The following CA12 variants were observed in gnomAD, a reference collection of about 807,000 sequenced individuals.
CA12 encodes carbonate dehydratase XII.
CA12 carries 36 observed loss-of-function variants against 46.8 expected under a neutral mutation model. The observed-to-expected ratio is 0.77, with a 90% CI of 0.59 to 1.02. CA12 has a LOEUF of 1.02. CA12 is among the 50% of genes least tolerant of loss of function. The pLI is 0.00. For missense variants in CA12, 436 were observed against 451.4 expected (o/e 0.97, Z 0.31); for synonymous variants, 202 against 187.0 (o/e 1.08, Z -0.65).
intron 4 of CA12, among the ~76,000 whole-genome samples, chr15:63,343,214 G>A (rs370709786): frequency 6.6e-6 from 1 of 150,488 alleles, no homozygotes; most frequent in East Asian, 1.9e-4. Context: ...ATTGTGCTCA[G>A]AGGAAGTGAA....
intron 8 of CA12, among the ~76,000 whole-genome samples, chr15:63,334,216 C>A (rs12914187): frequency 7.0e-6 from 1 of 142,154 alleles, no homozygotes; most frequent in Non-Finnish European, 1.5e-5. Flanking sequence ...CAGCTCAAAT[C>A]TTCCAACTGC....
Position 63,355,409 on chromosome 15 carries a change from TATC to T in CA12, c.107-8703_107-8701del, listed in dbSNP as rs917287627. Among the ~76,000 whole-genome samples, 3 of 152,192 alleles carry T rather than the reference TATC, an allele frequency of 2.0e-5. No homozygotes were observed. The highest frequency in any genetic ancestry group is 7.2e-5 in the African/African-American group (3 of 41,438). On this transcript the variant is annotated intron_variant, in intron 2 of 10. Coordinates refer to ENST00000178638, the MANE Select transcript of CA12 (RefSeq NM_001218.5). This position sits in a 1 kb window ranked among gnomAD's most constrained non-coding sequence, Gnocchi z 4.1. Reference sequence around the variant, plus strand: ...TCAAAGCGTGGCTCCAGACAAGCATTATCATCACCGCCTAGGAACTCATTCAAA... The same window carrying T: ...TCAAAGCGTGGCTCCAGACAAGCATTATCACCGCCTAGGAACTCATTCAAA...
chr15:63,340,700 T>G lies in CA12; in HGVS notation c.589+20A>C, dbSNP rs370563418. ...CTCCTTCTCCAGCAGAGAGTGAATA[T>G]GCATGCAAGGACCCCTCACCTTTGT... is the stretch of plus-strand genomic sequence containing the variant. On this transcript the variant is annotated intron_variant, in intron 6 of 10. Coordinates refer to ENST00000178638, the MANE Select transcript of CA12 (RefSeq NM_001218.5). The surrounding 1 kb of genome is among the most constrained non-coding windows in gnomAD (Gnocchi z 4.4). 6.2e-7 allele frequency: 1 copy of G among 1,611,302 alleles called. No homozygotes were observed. The highest frequency in any genetic ancestry group is 8.5e-7 in the Non-Finnish European group (1 of 1,177,364).
chr15:63,381,527 C>G (rs1245096308), intron 1 of CA12, 109 bp downstream of exon 1: 3 of 930,726 alleles, frequency 3.2e-6, no homozygotes, highest in Non-Finnish European at 1.7e-6. Flanking sequence ...TGGTACTACA[C>G]CTTCCCTGCT....
At position 63,381,644 on chromosome 15, in the gene CA12, G is replaced by C. The variant is rs140995656; in HGVS notation, c.77C>G (p.Pro26Arg). 226 of 1,611,140 alleles carry C rather than the reference G, an allele frequency of 1.4e-4. No homozygotes were observed. In the African/African-American group the frequency reaches 2.7e-3, roughly 19 times the overall value. ...GCAGGCGGAAACTTTACCGTTCACT[G>C]GGGCCGGGCTGGAAGGCTGTTCCTT... ...ILKEQPSSPAPVNGSKWTYFG... is the reference protein window; with the variant it reads ...ILKEQPSSPARVNGSKWTYFG... The change falls in exon 1 of 11, where the codon CCA (proline) becomes CGA (arginine). Residue 26 changes from proline to arginine, a missense_variant. Transcript: ENST00000178638.
chr15:63,326,063 T>C lies in CA12; in HGVS notation c.*222A>G, dbSNP rs1251819682. The C allele has an allele frequency of 3.5e-6, 2 of 568,672 alleles. No individual in the cohort carries two copies. The highest frequency in any genetic ancestry group is 6.4e-6 in the Non-Finnish European group (2 of 314,676). The allele number at this position is 568,672 out of a possible 1,614,324, so 35.2% of individuals were successfully genotyped here. A position where few individuals can be genotyped will look rare whatever the true frequency, so the allele number is the denominator to read the frequency against. On this transcript the variant is annotated 3_prime_UTR_variant, in exon 11 of 11. Coordinates refer to ENST00000178638, the MANE Select transcript of CA12 (RefSeq NM_001218.5). ...GTTACAGCAAGCAGCTTTGAATTCC[T>C]GCTGCTTGGTCTGAGAGTGCATCCC...
intron 2 of CA12, among the ~76,000 whole-genome samples, chr15:63,361,497 G>A (rs2039363356): frequency 6.6e-6 from 1 of 152,130 alleles, no homozygotes; most frequent in Non-Finnish European, 1.5e-5. Context: ...GTGGGCAGAG[G>A]CCAGGGAATC....
chr15:63,345,375 GC>G lies in CA12; in HGVS notation c.429+101del. Reference sequence around the variant, plus strand: ...AGGTGGGGCAGAGAGCCTGAAGGCAGCCTGTCCCATGCTCTGGTGTTATCTG... The same window carrying G: ...AGGTGGGGCAGAGAGCCTGAAGGCAGCTGTCCCATGCTCTGGTGTTATCTG... On this transcript the variant is annotated intron_variant, in intron 4 of 10. Transcript: ENST00000178638. This position sits in a 1 kb window ranked among gnomAD's most constrained non-coding sequence, Gnocchi z 4.3. 1.4e-6 allele frequency: 2 copies of G among 1,472,460 alleles called. No individual in the cohort carries two copies. Among genetic ancestry groups the G allele is most frequent in the Non-Finnish European group, 1.9e-6 (2 of 1,078,000 alleles). The allele number at this position is 1,472,460 out of a possible 1,614,324, so 91.2% of individuals were successfully genotyped here.
At chr15:63,332,977 T>G (rs11632401) in intron 8 of CA12, among the ~76,000 whole-genome samples, 59,423 of 152,156 alleles carry the variant, frequency 0.39, 13,227 homozygotes, top group Non-Finnish European at 0.52. Context: ...CTTTGCTGTG[T>G]GGTAATAATT....
In CA12 at chr15:63,345,614, G is replaced by A; in HGVS notation, c.292C>T (p.Leu98=). The A allele has an allele frequency of 6.2e-7, 1 of 1,612,118 alleles. No homozygotes were observed. The highest frequency in any genetic ancestry group is 8.5e-7 in the Non-Finnish European group (1 of 1,179,950). ...LLTNNGHSVK[L]NLPSDMHIQG... ...ATGTGCATGTCCGAGGGCAGGTTCA[G>A]CTTCACTGCGGGGAGTGGAGGAGCA... is the stretch of plus-strand genomic sequence containing the variant. Residue 98 remains leucine (L), a synonymous_variant, in exon 4 of 11, where the codon CTG becomes TTG. Transcript: ENST00000178638. This position sits in a 1 kb window ranked among gnomAD's most constrained non-coding sequence, Gnocchi z 4.3.
chr15:63,352,049 G>A (rs2039239398), intron 2 of CA12, among the ~76,000 whole-genome samples: 2 of 152,154 alleles, frequency 1.3e-5, no homozygotes, highest in Admixed American at 1.3e-4. Flanking sequence ...GAAAGATTTT[G>A]TTTTTTGTTT....
At chr15:63,359,275 T>A (rs2039330250) in intron 2 of CA12, among the ~76,000 whole-genome samples, 1 of 151,706 alleles carries the variant, frequency 6.6e-6, no homozygotes, top group Non-Finnish European at 1.5e-5. Flanking sequence ...ATAACCAAAC[T>A]CACCATCTTT....
rs562037908 is a variant in CA12 at position 63,373,611 on chromosome 15, G to A, written c.106+2047C>T. On this transcript the variant is annotated intron_variant, in intron 2 of 10. Transcript: ENST00000178638. The surrounding 1 kb of genome is among the most constrained non-coding windows in gnomAD (Gnocchi z 4.9). ...AGAGTGCAGCTAAGAATCACTTGGG[G>A]AGTGCGTTAAGAATACAGGTTTTTC... Among the ~76,000 whole-genome samples, 3 of 152,292 alleles carry A rather than the reference G, an allele frequency of 2.0e-5. No homozygotes were observed. The highest frequency in any genetic ancestry group is 4.4e-5 in the Non-Finnish European group (3 of 68,020).
At chr15:63,356,128 C>T (rs1255861624) in intron 2 of CA12, among the ~76,000 whole-genome samples, 1 of 152,132 alleles carries the variant, frequency 6.6e-6, no homozygotes, top group African/African-American at 2.4e-5. Flanking sequence ...CACGGTGGCT[C>T]ACGCCTGTAA....
chr15:63,381,070 G>C (rs900942335), intron 1 of CA12, among the ~76,000 whole-genome samples: 24 of 152,124 alleles, frequency 1.6e-4, no homozygotes, highest in Non-Finnish European at 5.9e-5. Context: ...GCGTGTGTGT[G>C]TGTACGTGCA....
rs191169901 is a variant in CA12, at chr15:63,329,733, T to G, written c.875-1603A>C. Among the ~76,000 whole-genome samples, 1 of 152,160 alleles carries G rather than the reference T, an allele frequency of 6.6e-6. No individual in the cohort carries two copies. The highest frequency in any genetic ancestry group is 1.9e-4 in the East Asian group (1 of 5,164). ...AGGCCCTGGGAGAGCCCTGGTCAAG[T>G]GTAAGATGCCAGCAGGGGGCCAAGG... On this transcript the variant is annotated intron_variant, in intron 8 of 10. Coordinates refer to ENST00000178638, the MANE Select transcript of CA12 (RefSeq NM_001218.5). The surrounding 1 kb of genome is among the most constrained non-coding windows in gnomAD (Gnocchi z 4.8).
Position 63,374,593 on chromosome 15 carries a change from G to A in CA12, c.106+1065C>T, listed in dbSNP as rs909495625. Among the ~76,000 whole-genome samples, 7 of 152,228 alleles carry A rather than the reference G, an allele frequency of 4.6e-5. No homozygotes were observed. The highest frequency in any genetic ancestry group is 7.3e-5 in the Non-Finnish European group (5 of 68,052). ...AAGGGATGTTAGCAATAACGGAGCC[G>A]TGCAGTGCTGGGGCTGAGGGGACCT... On this transcript the variant is annotated intron_variant, in intron 2 of 10. Transcript: ENST00000178638. This position sits in a 1 kb window ranked among gnomAD's most constrained non-coding sequence, Gnocchi z 4.4.
chr15:63,346,442 A>G, intron 3 of CA12, 88 bp downstream of exon 3: 2 of 1,123,660 alleles, frequency 1.8e-6, no homozygotes, highest in Non-Finnish European at 2.6e-6. Context: ...CTTCCACGGA[A>G]CACCTCCCTG....
intron 2 of CA12, among the ~76,000 whole-genome samples, chr15:63,353,361 G>A (rs12101399): frequency 0.032 from 4,909 of 152,204 alleles, 253 homozygotes; most frequent in African/African-American, 0.11. Flanking sequence ...CAAGCTCAGA[G>A]GCCCCGCTGC....
Sources: allele counts gnomAD v4.1 joint callset (sites outside exome capture counted in the v4.1 genomes callset), GRCh38; gene constraint gnomAD v4.1.1; non-coding constraint Gnocchi (gnomAD v3.1); transcripts MANE v1.5; gene names NCBI Gene and HGNC (gene_info 2026-07-23, HGNC 2026-07-21).